Variants in SEMA3A observed in about 807,000 individuals in gnomAD.
The protein encoded by SEMA3A is semaphorin-3A.
A neutral mutation model predicts 97.9 loss-of-function variants in SEMA3A; 29 were observed. The observed-to-expected ratio is 0.30, with a 90% confidence interval of 0.22 to 0.40. SEMA3A has a LOEUF of 0.40. Ranked by LOEUF, SEMA3A falls within the 10% of genes least tolerant of loss-of-function variation. The probability of loss-of-function intolerance (pLI) is 1.00; values close to 1 mark genes in which losing one functional copy is unlikely to be tolerated. For missense variants in SEMA3A, 763 were observed against 951.3 expected, an observed-to-expected ratio of 0.80 and a Z score of 2.60; for synonymous variants, 321 against 323.7, an observed-to-expected ratio of 0.99 and a Z score of 0.09.
chr7:84,180,137 G>A (rs528436452), intron 1 of SEMA3A, among the ~76,000 whole-genome samples: 20 of 150,162 alleles, frequency 1.3e-4, no homozygotes, highest in Admixed American at 8.0e-4. Flanking sequence ...GTAGAGACAG[G>A]GTTTCTCCAT....
At chr7:84,123,602 C>T (rs548709580) in intron 3 of SEMA3A, among the ~76,000 whole-genome samples, 2 of 150,698 alleles carry the variant, frequency 1.3e-5, no homozygotes, top group Admixed American at 6.6e-5. Flanking sequence ...CATGCATGTA[C>T]ATGCATGCGC....
intron 3 of SEMA3A, among the ~76,000 whole-genome samples, chr7:84,236,670 A>C (rs1345721986): frequency 6.6e-6 from 1 of 152,130 alleles, no homozygotes; most frequent in Non-Finnish European, 1.5e-5. Flanking sequence ...TTTGATATAG[A>C]AAAAGAGTTT....
At position 83,960,549 on chromosome 7, in the gene SEMA3A, T is replaced by C. The variant is rs531397857; in HGVS notation, c.*822A>G. 1 of 152,620 alleles carries C rather than the reference T, an allele frequency of 6.6e-6. No homozygotes were observed. The highest frequency in any genetic ancestry group is 1.9e-4 in the East Asian group (1 of 5,180). 9.5% of individuals were successfully genotyped at this position (152,620 alleles called of 1,614,324 possible). A position where few individuals can be genotyped will look rare whatever the true frequency, so the allele number is the denominator to read the frequency against. On this transcript the variant is annotated 3_prime_UTR_variant, in exon 17 of 17. Transcript: ENST00000265362. ...ACTCTTAATGATGTATATGTGTTTC[T>C]AGAACAATGTCATCTATCCCTCTTA... is the stretch of plus-strand genomic sequence containing the variant.
At chr7:84,115,057 T>C (rs929334) in intron 3 of SEMA3A, among the ~76,000 whole-genome samples, 110,103 of 151,914 alleles carry the variant, frequency 0.72, 40,379 homozygotes, top group East Asian at 0.91. Flanking sequence ...CATAATAAAA[T>C]GAACTGAACT....
intron 4 of SEMA3A, among the ~76,000 whole-genome samples, chr7:84,070,167 A>C (rs1421583568): frequency 2.0e-5 from 3 of 152,186 alleles, no homozygotes; most frequent in African/African-American, 7.2e-5. Context: ...AACTTTAGCT[A>C]TACTGATTCT....
intron 1 of SEMA3A, among the ~76,000 whole-genome samples, chr7:84,150,959 G>C (rs1345455562): frequency 6.0e-5 from 9 of 150,062 alleles, no homozygotes; most frequent in Non-Finnish European, 1.2e-4. Flanking sequence ...CTAACTGGGA[G>C]GCACCCCCCA....
chr7:84,317,070 A>G (rs1801524061), intron 2 of SEMA3A, among the ~76,000 whole-genome samples: 1 of 152,086 alleles, frequency 6.6e-6, no homozygotes, highest in Non-Finnish European at 1.5e-5. Context: ...TGGCTTATGG[A>G]CCCTAAAAAC....
At chr7:84,378,495 T>A (rs898228827) in intron 1 of SEMA3A, among the ~76,000 whole-genome samples, 1 of 151,850 alleles carries the variant, frequency 6.6e-6, no homozygotes, top group East Asian at 1.9e-4. Flanking sequence ...CACTCATAAG[T>A]GGGAGCTGAA....
intron 3 of SEMA3A, among the ~76,000 whole-genome samples, chr7:84,229,979 C>A (rs908124374): frequency 1.3e-5 from 2 of 149,752 alleles, no homozygotes; most frequent in African/African-American, 4.8e-5. Flanking sequence ...TCTGATCTTA[C>A]CCCCCCTTTA....
At chr7:84,230,443 T>C (rs1799092647) in intron 3 of SEMA3A, among the ~76,000 whole-genome samples, 1 of 152,028 alleles carries the variant, frequency 6.6e-6, no homozygotes, top group Admixed American at 6.6e-5. Context: ...TCAGTTGAAC[T>C]CAACTTTAAC....
At chr7:84,435,951 C>A (rs560602323) in intron 1 of SEMA3A, among the ~76,000 whole-genome samples, 1 of 152,068 alleles carries the variant, frequency 6.6e-6, no homozygotes, top group Non-Finnish European at 1.5e-5. Flanking sequence ...CTACAGTATC[C>A]GAAACAGCAT....
At chr7:83,979,653 A>G (rs982717532) in intron 14 of SEMA3A, among the ~76,000 whole-genome samples, 4 of 152,220 alleles carry the variant, frequency 2.6e-5, no homozygotes, top group Non-Finnish European at 4.4e-5. Context: ...TAAAAGTAAT[A>G]CGAACATGTT....
Position 83,961,388 on chromosome 7 carries a change from C to T in SEMA3A, c.2299G>A (p.Ala767Thr), listed in dbSNP as rs1006929624. Residue 767 changes from alanine to threonine, a missense_variant, in exon 17 of 17, where the codon GCA (alanine) becomes ACA (threonine). Ala to Thr is a moderately conservative substitution (Grantham distance 58). Coordinates refer to ENST00000265362, the MANE Select transcript of SEMA3A (RefSeq NM_006080.3). ...RNRRTHEFER[A>T]PRSV is the part of the protein sequence containing the mutation. ...AATGCAGCTCAGACACTCCTGGGTG[C>T]CCTCTCAAATTCGTGGGTCCTCCTG... 6.2e-7 allele frequency: 1 copy of T among 1,613,826 alleles called. No homozygotes were observed. Among genetic ancestry groups the T allele is most frequent in the Non-Finnish European group, 8.5e-7 (1 of 1,179,764 alleles).
intron 4 of SEMA3A, among the ~76,000 whole-genome samples, chr7:84,070,201 G>T (rs1293257510): frequency 6.6e-6 from 1 of 152,098 alleles, no homozygotes; most frequent in African/African-American, 2.4e-5. Context: ...GATGCTATGA[G>T]CATATCATAT....
chr7:84,322,633 A>G (rs1562903126), intron 2 of SEMA3A, among the ~76,000 whole-genome samples: 1 of 152,098 alleles, frequency 6.6e-6, no homozygotes, highest in Non-Finnish European at 1.5e-5. Flanking sequence ...TTCTGCCATG[A>G]TTGTGAGGCC....
chr7:84,021,759 G>T (rs1173839429), intron 6 of SEMA3A, among the ~76,000 whole-genome samples: 3 of 152,062 alleles, frequency 2.0e-5, no homozygotes, highest in Non-Finnish European at 4.4e-5. Flanking sequence ...ATACATAAAT[G>T]AATCTCCTGA....
chr7:83,983,806 C>T (rs961922002), intron 13 of SEMA3A, among the ~76,000 whole-genome samples: 1 of 152,116 alleles, frequency 6.6e-6, no homozygotes, highest in Non-Finnish European at 1.5e-5. Flanking sequence ...TTTAACATCA[C>T]CACAGGCTTT....
chr7:84,333,519 G>A (rs1017168210), intron 2 of SEMA3A, among the ~76,000 whole-genome samples: 2 of 152,130 alleles, frequency 1.3e-5, no homozygotes, highest in Non-Finnish European at 2.9e-5. Context: ...AGAATGATAC[G>A]AAGGAGTACT....
At chr7:84,069,795 T>C (rs1032041719) in intron 4 of SEMA3A, among the ~76,000 whole-genome samples, 1 of 152,130 alleles carries the variant, frequency 6.6e-6, no homozygotes, top group Non-Finnish European at 1.5e-5. Flanking sequence ...TCTGATAAAT[T>C]TAAAGTCATT....
Sources: gnomAD v4.1 joint callset for allele counts (sites outside exome capture counted in the v4.1 genomes callset) on GRCh38, gnomAD v4.1.1 for gene constraint, MANE v1.5 for transcripts, NCBI Gene and HGNC (gene_info 2026-07-23, HGNC 2026-07-21) for gene names.